The following TDRD15 variants were observed in gnomAD, a reference collection of about 807,000 sequenced individuals.
The protein encoded by TDRD15 is tudor domain containing 15, also known as tudor domain-containing protein 15.
For missense variants in TDRD15, 1,416 were observed against 904.7 expected (o/e 1.57, Z -7.25); for synonymous variants, 503 against 314.5 (o/e 1.60, Z -6.34).
intron 1 of TDRD15, among the ~76,000 whole-genome samples, chr2:21,127,366 C>T (rs1022071241): frequency 6.6e-6 from 1 of 151,928 alleles, no homozygotes; most frequent in African/African-American, 2.4e-5. Context: ...TTTTTGTGTC[C>T]TATTTAAGAT....
At position 21,141,781 on chromosome 2, in the gene TDRD15, A is replaced by G; in HGVS notation, c.4314A>G (p.Thr1438=). The G allele has an allele frequency of 2.8e-6, 2 of 713,902 alleles. No individual in the cohort carries two copies. The highest frequency in any genetic ancestry group is 5.2e-6 in the Non-Finnish European group (2 of 383,184). The allele number at this position is 713,902 out of a possible 1,614,324, so 44.2% of individuals were successfully genotyped here. ...DYFTSKVHNK[T]VYCEFLKKHD... ...TTACTTCGAAAGTACATAACAAAAC[A>G]GTTTATTGTGAATTTTTGAAAAAGC... Residue 1438 remains threonine, a synonymous_variant, in exon 4 of 4, where the codon ACA becomes ACG. Transcript: ENST00000405799.
chr2:21,141,040 C>T lies in TDRD15; in HGVS notation c.3573C>T (p.Ser1191=), dbSNP rs563732296. ...ATAAACCTAGTCCAGTAACATATTC[C>T]GAAAGAAAAATAGACCAATTGATGC... ...VINKPSPVTY[S]ERKIDQLMHP... The change falls in exon 4 of 4, where the codon TCC becomes TCT. Residue 1191 remains serine, a synonymous_variant. Transcript: ENST00000405799. 30 of 706,324 alleles carry T rather than the reference C, an allele frequency of 4.2e-5. No individual in the cohort carries two copies. Among genetic ancestry groups the T allele is most frequent in the Admixed American group, 8.4e-5 (4 of 47,602 alleles). 43.8% of individuals were successfully genotyped at this position (706,324 alleles called of 1,614,324 possible). A position where few individuals can be genotyped will look rare whatever the true frequency, so the allele number is the denominator to read the frequency against.
chr2:21,141,704 G>A lies in TDRD15; in HGVS notation c.4237G>A (p.Val1413Ile), dbSNP rs934847809. 1.4e-6 allele frequency: 1 copy of A among 715,360 alleles called. No individual in the cohort carries two copies. Among genetic ancestry groups the A allele is most frequent in the Admixed American group, 2.0e-5 (1 of 49,864 alleles). 44.3% of individuals were successfully genotyped at this position (715,360 alleles called of 1,614,324 possible). A position where few individuals can be genotyped will look rare whatever the true frequency, so the allele number is the denominator to read the frequency against. The change falls in exon 4 of 4, where the codon GTA (valine) becomes ATA (isoleucine). Residue 1413 changes from valine to isoleucine, a missense_variant. By Grantham distance (29) the Val-to-Ile change is conservative (BLOSUM62 3). Transcript: ENST00000405799. The stretch of plus-strand genomic sequence containing the variant: ...AGGAATCCATGCTTTTCTTAGTGGA[G>A]TAAAATGGAATGAGCCTGATGAAAT... ...QLGIHAFLSG[V>I]KWNEPDEIWD...
rs146243790 is a variant in TDRD15, at chr2:21,136,285, T to C, written c.-3-1180T>C. Among the ~76,000 whole-genome samples the C allele has an allele frequency of 4.7e-3, 710 of 152,184 alleles. 2 individuals carry two copies. Among genetic ancestry groups the C allele is most frequent in the African/African-American group, 0.016 (671 of 41,552 alleles). ...TATATTCTGTCCCTACATACTCCTC[T>C]TTCATCTTTTTATCTTTTTCCTCTG... On this transcript the variant is annotated intron_variant, in intron 3 of 3. Coordinates refer to ENST00000405799, the MANE Select transcript of TDRD15 (RefSeq NM_001306137.2).
At chr2:21,125,608 G>T (rs746309422) in intron 1 of TDRD15, among the ~76,000 whole-genome samples, 2 of 151,994 alleles carry the variant, frequency 1.3e-5, no homozygotes, top group Non-Finnish European at 1.5e-5. Context: ...TCACTTAATT[G>T]TTGTACCACT....
At chr2:21,125,859 C>G (rs968320699) in intron 1 of TDRD15, among the ~76,000 whole-genome samples, 2 of 152,132 alleles carry the variant, frequency 1.3e-5, no homozygotes, top group Non-Finnish European at 2.9e-5. Context: ...TTATATTACT[C>G]TGACCTCCTC....
In TDRD15 at chr2:21,140,018, C is replaced by T. The variant is rs1428922975; in HGVS notation, c.2551C>T (p.Pro851Ser). 1.4e-6 allele frequency: 1 copy of T among 715,496 alleles called. No homozygotes were observed. Among genetic ancestry groups the T allele is most frequent in the Non-Finnish European group, 2.6e-6 (1 of 383,908 alleles). The allele number at this position is 715,496 out of a possible 1,614,324, so 44.3% of individuals were successfully genotyped here. A position where few individuals can be genotyped will look rare whatever the true frequency, so the allele number is the denominator to read the frequency against. ...AATTGAAGATCTTTGTGCAATTAACCCACGTTTTCTCTTGTTAGAAAGCCA... is the reference window on the plus strand; with the variant it reads ...AATTGAAGATCTTTGTGCAATTAACTCACGTTTTCTCTTGTTAGAAAGCCA... ...VLIEDLCAIN[P>S]RFLLLESQAF... The change falls in exon 4 of 4, where the codon CCA becomes TCA. Residue 851 changes from proline to serine, a missense_variant. Physicochemically the swap from Pro to Ser is moderately conservative, Grantham distance 74 (BLOSUM62 -1). Coordinates refer to ENST00000405799, the MANE Select transcript of TDRD15 (RefSeq NM_001306137.2).
rs1175755102 is a variant in TDRD15, at chr2:21,141,701, G to C, written c.4234G>C (p.Gly1412Arg). The change falls in exon 4 of 4, where the codon GGA (glycine) becomes CGA (arginine). Residue 1412 changes from glycine to arginine, a missense_variant. Gly to Arg is a moderately radical substitution (Grantham distance 125). Transcript: ENST00000405799. ...PQLGIHAFLS[G>R]VKWNEPDEIW... is the part of the protein sequence containing the mutation. Reference sequence around the variant, plus strand: ...GCTAGGAATCCATGCTTTTCTTAGTGGAGTAAAATGGAATGAGCCTGATGA... The same window carrying C: ...GCTAGGAATCCATGCTTTTCTTAGTCGAGTAAAATGGAATGAGCCTGATGA... The C allele has an allele frequency of 1.4e-6, 1 of 715,302 alleles. No homozygotes were observed. Among genetic ancestry groups the C allele is most frequent in the Admixed American group, 2.0e-5 (1 of 49,876 alleles). The allele number at this position is 715,302 out of a possible 1,614,324, so 44.3% of individuals were successfully genotyped here.
In TDRD15 at chr2:21,139,463, C is replaced by A; in HGVS notation, c.1996C>A (p.Gln666Lys). ...ACAAGCTGGATATGCAGAATATTTT[C>A]AAGTAGAACTAGAATATTTTCCAAA... is the stretch of plus-strand genomic sequence containing the variant. The part of the protein sequence containing the change: ...MLQAGYAEYF[Q>K]VELEYFPKSV... The change falls in exon 4 of 4, where the codon CAA (glutamine) becomes AAA (lysine). Residue 666 changes from glutamine to lysine, a missense_variant. Coordinates refer to ENST00000405799, the MANE Select transcript of TDRD15 (RefSeq NM_001306137.2). The A allele has an allele frequency of 1.4e-6, 1 of 704,976 alleles. No individual in the cohort carries two copies. The highest frequency in any genetic ancestry group is 1.6e-5 in the South Asian group (1 of 64,360). 43.7% of individuals were successfully genotyped at this position (704,976 alleles called of 1,614,324 possible). A position where few individuals can be genotyped will look rare whatever the true frequency, so the allele number is the denominator to read the frequency against.
chr2:21,124,009 T>G lies in TDRD15; in HGVS notation c.-238T>G, dbSNP rs576167590. The G allele has an allele frequency of 6.6e-6, 1 of 152,576 alleles. No homozygotes were observed. Among genetic ancestry groups the G allele is most frequent in the Admixed American group, 6.5e-5 (1 of 15,310 alleles). 9.5% of individuals were successfully genotyped at this position (152,576 alleles called of 1,614,324 possible). ...TGGGCCCTAGCGGTATTTTTCCAGC[T>G]CTGGGAAGAGCGGCCTGACCCGCAG... On this transcript the variant is annotated 5_prime_UTR_variant, in exon 1 of 4. Transcript: ENST00000405799.
chr2:21,138,384 A>G lies in TDRD15; in HGVS notation c.917A>G (p.His306Arg), dbSNP rs1220707903. The G allele has an allele frequency of 1.4e-6, 1 of 716,380 alleles. No individual in the cohort carries two copies. Among genetic ancestry groups the G allele is most frequent in the Non-Finnish European group, 2.6e-6 (1 of 384,424 alleles). The allele number at this position is 716,380 out of a possible 1,614,324, so 44.4% of individuals were successfully genotyped here. ...GCCAGAAGGCGAAATGGACAGTGGCATAGAGGAATTCTTCAGCAGCTCTTG... is the reference window on the plus strand; with the variant it reads ...GCCAGAAGGCGAAATGGACAGTGGCGTAGAGGAATTCTTCAGCAGCTCTTG... ...CVARRRNGQW[H>R]RGILQQLLPP... The change falls in exon 4 of 4, where the codon CAT becomes CGT. Residue 306 changes from histidine (H) to arginine (R), a missense_variant. Physicochemically the swap from His to Arg is conservative, Grantham distance 29. Transcript: ENST00000405799.
intron 2 of TDRD15, among the ~76,000 whole-genome samples, chr2:21,129,643 C>T (rs560471639): frequency 6.6e-6 from 1 of 152,142 alleles, no homozygotes; most frequent in Non-Finnish European, 1.5e-5. Context: ...CTGCCATTTT[C>T]AGGGTTGACT....
rs1033365924 is a variant in TDRD15 at position 21,143,389 on chromosome 2, G to A, written c.*117G>A. On this transcript the variant is annotated 3_prime_UTR_variant, in exon 4 of 4. Transcript: ENST00000405799. Reference sequence around the variant, plus strand: ...AAACAAATCTACAAAGAGGAAAGATGTCTGTAAGAACCTCTTAAGGAAAAT... The same window carrying A: ...AAACAAATCTACAAAGAGGAAAGATATCTGTAAGAACCTCTTAAGGAAAAT... The A allele has an allele frequency of 2.1e-6, 1 of 480,830 alleles. No individual in the cohort carries two copies. Among genetic ancestry groups the A allele is most frequent in the Non-Finnish European group, 3.7e-6 (1 of 272,954 alleles). 29.8% of individuals were successfully genotyped at this position (480,830 alleles called of 1,614,324 possible). A position where few individuals can be genotyped will look rare whatever the true frequency, so the allele number is the denominator to read the frequency against.
At chr2:21,145,901 T>TA (rs1456900495), downstream of TDRD15, among the ~76,000 whole-genome samples, 1 of 151,948 alleles carries the variant, frequency 6.6e-6, no homozygotes, top group Non-Finnish European at 1.5e-5. Context: ...GGGACTCTAT[T>TA]ACAGTGGTTC....
chr2:21,143,046 A>G lies in TDRD15; in HGVS notation c.5579A>G (p.His1860Arg), dbSNP rs550242927. 2 of 691,336 alleles carry G rather than the reference A, an allele frequency of 2.9e-6. No homozygotes were observed. Among genetic ancestry groups the G allele is most frequent in the East Asian group, 2.7e-5 (1 of 37,020 alleles). The allele number at this position is 691,336 out of a possible 1,614,324, so 42.8% of individuals were successfully genotyped here. The change falls in exon 4 of 4, where the codon CAT becomes CGT. Residue 1860 changes from histidine (H) to arginine (R), a missense_variant. His to Arg is a conservative substitution (Grantham distance 29, BLOSUM62 0). Transcript: ENST00000405799. Reference sequence around the variant, plus strand: ...GGTATCTTACCTGCTAAAGGAAAACATTGGAGTGAAGAAGCCAAAATCTTT... The same window carrying G: ...GGTATCTTACCTGCTAAAGGAAAACGTTGGAGTGAAGAAGCCAAAATCTTT... ...LYGILPAKGK[H>R]WSEEAKIFFR...
chr2:21,131,264 G>A (rs568166002), intron 2 of TDRD15, among the ~76,000 whole-genome samples: 1 of 152,280 alleles, frequency 6.6e-6, no homozygotes, highest in Admixed American at 6.5e-5. Flanking sequence ...GTTAGGTAAT[G>A]TAATATGTCG....
chr2:21,135,041 C>T (rs1030819501), intron 3 of TDRD15, among the ~76,000 whole-genome samples, 194 bp downstream of exon 3: 1 of 139,726 alleles, frequency 7.2e-6, no homozygotes, highest in Non-Finnish European at 1.5e-5. Context: ...TATTTATACA[C>T]AATTTATATA....
downstream of TDRD15, among the ~76,000 whole-genome samples, chr2:21,144,381 T>C (rs1316418119): frequency 6.6e-6 from 1 of 151,938 alleles, no homozygotes; most frequent in African/African-American, 2.4e-5. Flanking sequence ...TTCTGTATTA[T>C]AACTAATGTC....
chr2:21,139,682 G>C lies in TDRD15; in HGVS notation c.2215G>C (p.Val739Leu). The C allele has an allele frequency of 1.4e-6, 1 of 713,488 alleles. No individual in the cohort carries two copies. Among genetic ancestry groups the C allele is most frequent in the Non-Finnish European group, 2.6e-6 (1 of 383,478 alleles). 44.2% of individuals were successfully genotyped at this position (713,488 alleles called of 1,614,324 possible). Reference protein sequence around the residue: ...SEFKNPFTLSVGPESSWPYKE... With the variant: ...SEFKNPFTLSLGPESSWPYKE... ...ATTTAAAAATCCTTTCACCTTGTCT[G>C]TGGGACCTGAGTCATCCTGGCCTTA... The change falls in exon 4 of 4, where the codon GTG becomes CTG. Residue 739 changes from valine (V) to leucine (L), a missense_variant. Coordinates refer to ENST00000405799, the MANE Select transcript of TDRD15 (RefSeq NM_001306137.2).
Sources: gnomAD v4.1 joint callset for allele counts (sites outside exome capture counted in the v4.1 genomes callset) on GRCh38, gnomAD v4.1.1 for gene constraint, MANE v1.5 for transcripts, NCBI Gene and HGNC (gene_info 2026-07-23, HGNC 2026-07-21) for gene names.